SYN2: variants seen among roughly 807,000 people sequenced by gnomAD.
SYN2 encodes synapsin-2.
In SYN2, 19 loss-of-function variants were observed where a neutral mutation model predicts 50.9. That is an observed-to-expected ratio of 0.37 (90% CI 0.26 to 0.55). The LOEUF (loss-of-function observed/expected upper bound fraction) is 0.55, where lower values mean the gene tolerates loss of function less well. Ranked by LOEUF, SYN2 falls within the 20% of genes least tolerant of loss-of-function variation. The pLI, the probability that SYN2 is intolerant of heterozygous loss-of-function variation, is 0.81. For synonymous variants in SYN2, 255 were observed against 224.9 expected (o/e 1.13, Z -1.20); for missense variants, 587 against 576.4 (o/e 1.02, Z -0.19).
At position 12,009,924 on chromosome 3, in the gene SYN2, G is replaced by A. The variant is rs538817277; in HGVS notation, c.377+4996G>A. The stretch of plus-strand genomic sequence containing the variant: ...AAGACCAGCAACACGGTGAAACCCC[G>A]TCTCTACTAAAATACAAAAAATTAG... On this transcript the variant is annotated intron_variant, in intron 1 of 12. Coordinates refer to ENST00000621198, the MANE Select transcript of SYN2 (RefSeq NM_133625.6). Among the ~76,000 whole-genome samples, 303 of 152,070 alleles carry A rather than the reference G, an allele frequency of 2.0e-3. 1 individual carries two copies. The highest frequency in any genetic ancestry group is 6.9e-3 in the African/African-American group (287 of 41,522).
chr3:12,069,454 G>T (rs1463933438), intron 1 of SYN2, among the ~76,000 whole-genome samples: 1 of 151,548 alleles, frequency 6.6e-6, no homozygotes, highest in East Asian at 1.9e-4. Context: ...TCACCATGTT[G>T]GTCAGGCTGG....
At chr3:12,146,577 G>A (rs902854800) in intron 4 of SYN2, among the ~76,000 whole-genome samples, 2 of 152,162 alleles carry the variant, frequency 1.3e-5, no homozygotes, top group Non-Finnish European at 2.9e-5. Context: ...ACCCAAAAAG[G>A]ATTAAGTAAC....
At chr3:12,066,127 TG>T (rs1695212974) in intron 1 of SYN2, among the ~76,000 whole-genome samples, 1 of 152,226 alleles carries the variant, frequency 6.6e-6, no homozygotes, top group Non-Finnish European at 1.5e-5. Context: ...GTATGGTATG[TG>T]GATGATATCC....
intron 1 of SYN2, among the ~76,000 whole-genome samples, chr3:12,129,428 G>A (rs968771243): frequency 4.6e-5 from 7 of 152,180 alleles, no homozygotes; most frequent in Admixed American, 4.6e-4. Flanking sequence ...CAGACAGCAA[G>A]TAGAGGACCT....
chr3:12,165,691 G>A (rs1697769581), intron 7 of SYN2: 1 of 151,598 alleles, frequency 6.6e-6, no homozygotes, highest in Admixed American at 6.5e-5. Flanking sequence ...CTGGGGACAT[G>A]GAAGTGAGTG....
chr3:12,103,186 G>A (rs1696112272), intron 1 of SYN2, among the ~76,000 whole-genome samples: 1 of 152,116 alleles, frequency 6.6e-6, no homozygotes, highest in Non-Finnish European at 1.5e-5. Flanking sequence ...AACTCAGGCA[G>A]TCTGCCCCAG....
intron 1 of SYN2, among the ~76,000 whole-genome samples, chr3:12,126,833 T>G (rs1051688038): frequency 6.6e-6 from 1 of 152,240 alleles, no homozygotes; most frequent in African/African-American, 2.4e-5. Flanking sequence ...GATATTAATT[T>G]CATTGCAGTT....
intron 1 of SYN2, among the ~76,000 whole-genome samples, chr3:12,094,807 C>T (rs923716814): frequency 1.3e-5 from 2 of 152,152 alleles, no homozygotes; most frequent in African/African-American, 4.8e-5. Flanking sequence ...TCCCAGGTGT[C>T]ATCTTGAACA....
chr3:12,155,266 G>A (rs1192757446), intron 5 of SYN2, among the ~76,000 whole-genome samples: 1 of 152,324 alleles, frequency 6.6e-6, no homozygotes, highest in East Asian at 1.9e-4. Context: ...AATGAGTAGG[G>A]TAGATGGATA....
chr3:12,191,265 G>A lies in SYN2; in HGVS notation c.*640G>A. On this transcript the variant is annotated 3_prime_UTR_variant, in exon 13 of 13. Coordinates refer to ENST00000621198, the MANE Select transcript of SYN2 (RefSeq NM_133625.6). ...CCCCTCTGAAGAGTGGTTCTTATGT[G>A]CAATCTGCAGTAACCTTGAACTCCA... 1 of 816,366 alleles carries A rather than the reference G, an allele frequency of 1.2e-6. No individual in the cohort carries two copies. The highest frequency in any genetic ancestry group is 1.5e-6 in the Non-Finnish European group (1 of 676,016). The allele number at this position is 816,366 out of a possible 1,614,324, so 50.6% of individuals were successfully genotyped here. A position where few individuals can be genotyped will look rare whatever the true frequency, so the allele number is the denominator to read the frequency against.
At chr3:12,100,292 T>C (rs1696043631) in intron 1 of SYN2, among the ~76,000 whole-genome samples, 1 of 152,120 alleles carries the variant, frequency 6.6e-6, no homozygotes, top group African/African-American at 2.4e-5. Flanking sequence ...AGGATAGACA[T>C]ATAGATTAAA....
In SYN2 at chr3:12,184,913, A is replaced by G. The variant is rs559706857; in HGVS notation, c.1369+1541A>G. On this transcript the variant is annotated intron_variant, in intron 11 of 12. Coordinates refer to ENST00000621198, the MANE Select transcript of SYN2 (RefSeq NM_133625.6). The stretch of plus-strand genomic sequence containing the variant: ...GAAATGCTGCTGGCTCTATTTTTAC[A>G]TTCCCTTCCACCTCTATACTGTCAT... 13 of 985,596 alleles carry G rather than the reference A, an allele frequency of 1.3e-5. No homozygotes were observed. The South Asian group carries it at 6.1e-4, about 46-fold the overall frequency. 61.1% of individuals were successfully genotyped at this position (985,596 alleles called of 1,614,324 possible).
At chr3:12,185,333 A>G in intron 11 of SYN2, 1 of 985,732 alleles carries the variant, frequency 1.0e-6, no homozygotes, top group Non-Finnish European at 1.2e-6. Context: ...CAGTGTGTAC[A>G]TCTGGTGCTT....
At chr3:12,010,148 T>C (rs982397875) in intron 1 of SYN2, among the ~76,000 whole-genome samples, 1 of 152,172 alleles carries the variant, frequency 6.6e-6, no homozygotes, top group African/African-American at 2.4e-5. Flanking sequence ...GACCTAGTCG[T>C]CAAAATCCAG....
chr3:12,184,965 A>T, intron 11 of SYN2: 1 of 985,676 alleles, frequency 1.0e-6, no homozygotes, highest in Non-Finnish European at 1.2e-6. Flanking sequence ...CCCAGATCTG[A>T]GAAGGAACTA....
intron 1 of SYN2, among the ~76,000 whole-genome samples, chr3:12,125,899 C>A (rs74562136): frequency 0.016 from 2,490 of 151,110 alleles, 63 homozygotes; most frequent in African/African-American, 0.057. Flanking sequence ...TCTCTGATGT[C>A]CCCTTGTTAT....
chr3:12,130,721 G>A (rs1467804474), intron 1 of SYN2, among the ~76,000 whole-genome samples: 1 of 152,226 alleles, frequency 6.6e-6, no homozygotes, highest in African/African-American at 2.4e-5. Context: ...TGAGTGTGAG[G>A]TTGAGTTGTT....
intron 1 of SYN2, among the ~76,000 whole-genome samples, chr3:12,114,588 T>C (rs1696390015): frequency 1.3e-5 from 2 of 152,126 alleles, no homozygotes; most frequent in Admixed American, 6.6e-5. Flanking sequence ...CTTTGACCCA[T>C]TTGAGTTAAT....
chr3:12,044,182 C>CTCTCACAT (rs1694682952), intron 1 of SYN2, among the ~76,000 whole-genome samples: 1 of 14,644 alleles, frequency 6.8e-5, no homozygotes, highest in East Asian at 2.2e-3. Context: ...CTCTCTCTCT[C>CTCTCACAT]ACACACACAC....
Sources: allele counts gnomAD v4.1 joint callset (sites outside exome capture counted in the v4.1 genomes callset), GRCh38; gene constraint gnomAD v4.1.1; transcripts MANE v1.5; gene names NCBI Gene and HGNC (gene_info 2026-07-23, HGNC 2026-07-21).